The following TCF25 variants were observed in gnomAD, a reference collection of about 807,000 sequenced individuals.
TCF25 encodes the protein TCF25 ribosome quality control complex subunit.
TCF25 carries 41 observed loss-of-function variants against 83.1 expected under a neutral mutation model. That is an observed-to-expected ratio of 0.49 (90% confidence interval 0.38 to 0.64). The LOEUF is 0.64. Among genes scored for constraint, TCF25 ranks in the 30% least tolerant of loss-of-function variants. TCF25 has a pLI of 0.00. For missense variants in TCF25, 979 were observed against 914.5 expected (o/e 1.07, Z -0.91); for synonymous variants, 458 against 365.0 (o/e 1.25, Z -2.90).
chr16:89,905,644 A>C (rs1239128226), intron 14 of TCF25, among the ~76,000 whole-genome samples: 1 of 152,182 alleles, frequency 6.6e-6, no homozygotes, highest in African/African-American at 2.4e-5. Flanking sequence ...TTGCATCTCC[A>C]CAGTGAAGTC....
At chr16:89,900,604 G>A in intron 11 of TCF25, 31 bp from the exon 12 acceptor site, 1 of 1,552,606 alleles carries the variant, frequency 6.4e-7, no homozygotes, top group Non-Finnish European at 8.8e-7. Context: ...ATGACTTAAG[G>A]CTCCACGCTC....
chr16:89,877,098 T>C (rs2042253454), intron 1 of TCF25, among the ~76,000 whole-genome samples: 3 of 145,186 alleles, frequency 2.1e-5, no homozygotes, highest in African/African-American at 8.5e-5. Flanking sequence ...CGAGACTCTG[T>C]CTCAAAAAAA....
At chr16:89,890,297 C>G (rs1338618073) in intron 5 of TCF25, 3 of 152,288 alleles carry the variant, frequency 2.0e-5, no homozygotes, top group African/African-American at 7.2e-5. Context: ...GCTACAGTCC[C>G]CGGTGTCTGC....
At chr16:89,909,209 C>G (rs1419829358) in intron 16 of TCF25, 2 of 1,207,814 alleles carry the variant, frequency 1.7e-6, no homozygotes, top group Non-Finnish European at 2.1e-6. Context: ...CCCGTCTCAA[C>G]TAAAAATACA....
chr16:89,885,522 A>G (rs554325565), intron 3 of TCF25, among the ~76,000 whole-genome samples: 1 of 152,318 alleles, frequency 6.6e-6, no homozygotes, highest in African/African-American at 2.4e-5. Context: ...GTCCTGAGAC[A>G]AGGGTGTAGC....
At chr16:89,874,208 G>A (rs1010776937) in intron 1 of TCF25, among the ~76,000 whole-genome samples, 5 of 152,136 alleles carry the variant, frequency 3.3e-5, no homozygotes, top group African/African-American at 1.2e-4. Flanking sequence ...TGATGCCAAG[G>A]GCGTGGCCAA....
intron 16 of TCF25, chr16:89,909,075 CTG>C (rs1308126887): frequency 7.8e-6 from 10 of 1,289,386 alleles, no homozygotes; most frequent in African/African-American, 1.5e-5. Flanking sequence ...GTGTCGGCCT[CTG>C]TGGCAGGTGC....
intron 5 of TCF25, among the ~76,000 whole-genome samples, chr16:89,891,352 A>G (rs956943445): frequency 1.3e-5 from 2 of 152,104 alleles, no homozygotes; most frequent in African/African-American, 4.8e-5. Context: ...GGCCACCTTC[A>G]TGTCAGGAGG....
chr16:89,885,964 C>T lies in TCF25; in HGVS notation c.546C>T (p.His182=), dbSNP rs781482169. The change falls in exon 4 of 18, where the codon CAC becomes CAT. Residue 182 remains histidine (H), a splice_region_variant and synonymous_variant. Coordinates refer to ENST00000263346, the MANE Select transcript of TCF25 (RefSeq NM_014972.3). Reference sequence around the variant, plus strand: ...GGAAGCACGTTCTCTACGTGGAGCACAGGTGTGGCCCCCGCCCTTCTCTGC... The same window carrying T: ...GGAAGCACGTTCTCTACGTGGAGCATAGGTGTGGCCCCCGCCCTTCTCTGC... ...SSRKHVLYVE[H]RHLNPDTELK... is the part of the protein sequence containing the mutation. 2 of 1,613,602 alleles carry T rather than the reference C, an allele frequency of 1.2e-6. No individual in the cohort carries two copies. Among genetic ancestry groups the T allele is most frequent in the Non-Finnish European group, 1.7e-6 (2 of 1,179,678 alleles).
At chr16:89,898,026 C>G (rs1253901136) in intron 9 of TCF25, among the ~76,000 whole-genome samples, 2 of 151,982 alleles carry the variant, frequency 1.3e-5, no homozygotes, top group Non-Finnish European at 2.9e-5. Flanking sequence ...ATGGCATGAA[C>G]CCAGGAGGCG....
At position 89,900,731 on chromosome 16, in the gene TCF25, C is replaced by T; in HGVS notation, c.1318C>T (p.Gln440Ter). Reference protein sequence around the residue: ...SQQTDLPECEQSSARQKASLL... With the variant: ...SQQTDLPECE ...GCAGACAGACCTCCCTGAGTGTGAG[C>T]AGAGCTCTGCCAGGCAGAAGGCCTC... The change falls in exon 12 of 18, where the codon CAG (glutamine) becomes TAG (stop). Residue 440 changes from glutamine to a stop codon, truncating the protein, a stop_gained. Coordinates refer to ENST00000263346, the MANE Select transcript of TCF25 (RefSeq NM_014972.3). LOFTEE classifies it high-confidence loss of function. 1 of 1,601,834 alleles carries T rather than the reference C, an allele frequency of 6.2e-7. No homozygotes were observed. The highest frequency in any genetic ancestry group is 8.5e-7 in the Non-Finnish European group (1 of 1,169,682).
intron 14 of TCF25, among the ~76,000 whole-genome samples, chr16:89,905,662 C>T (rs952711926): frequency 5.9e-5 from 9 of 152,202 alleles, no homozygotes; most frequent in East Asian, 1.9e-4. Context: ...GTCTGTGTGC[C>T]GCGGACATGA....
intron 3 of TCF25, among the ~76,000 whole-genome samples, chr16:89,885,016 C>T (rs1597291506): frequency 7.9e-6 from 1 of 126,568 alleles, no homozygotes. Context: ...TCTCCCTCTG[C>T]CTGACGCCCT....
At chr16:89,906,134 G>A (rs933964522) in intron 14 of TCF25, 60 bp from the exon 15 acceptor site, 10 of 1,470,300 alleles carry the variant, frequency 6.8e-6, no homozygotes, top group Non-Finnish European at 9.3e-6. Context: ...AGGCTCCATG[G>A]CGGTTACCAT....
rs1161467055 is a variant in TCF25 at position 89,873,647 on chromosome 16, A to G, written c.-21A>G. 9.1e-6 allele frequency: 14 copies of G among 1,541,462 alleles called. No individual in the cohort carries two copies. The South Asian group carries it at 9.6e-5, about 11-fold the overall frequency. ...TGCGCTTCCTTCTCCCTCTCTCCAGACGTCGTGGTCGTTCGGTCCTATGTC... is the reference window on the plus strand; with the variant it reads ...TGCGCTTCCTTCTCCCTCTCTCCAGGCGTCGTGGTCGTTCGGTCCTATGTC... On this transcript the variant is annotated 5_prime_UTR_variant, in exon 1 of 18. Coordinates refer to ENST00000263346, the MANE Select transcript of TCF25 (RefSeq NM_014972.3).
At chr16:89,896,370 C>A (rs2043848115) in intron 9 of TCF25, among the ~76,000 whole-genome samples, 1 of 151,900 alleles carries the variant, frequency 6.6e-6, no homozygotes, top group Non-Finnish European at 1.5e-5. Context: ...ATAGTGAGAC[C>A]CCCATCTCTT....
chr16:89,895,093 C>T lies in TCF25; in HGVS notation c.884C>T (p.Ala295Val). The change falls in exon 8 of 18, where the codon GCC becomes GTC. Residue 295 changes from alanine to valine, a missense_variant. Ala to Val is a moderately conservative substitution (Grantham distance 64). Coordinates refer to ENST00000263346, the MANE Select transcript of TCF25 (RefSeq NM_014972.3). ...HVDSLLQLSD[A>V]CRFQEDQEMA... ...GACTCACTCCTGCAGCTCAGCGATG[C>T]CTGCCGCTTTCAAGAGGATCAGGAG... The T allele has an allele frequency of 6.2e-7, 1 of 1,613,284 alleles. No individual in the cohort carries two copies.
At chr16:89,893,576 C>A in intron 6 of TCF25, 152 bp from the exon 7 acceptor site, 1 of 1,229,956 alleles carries the variant, frequency 8.1e-7, no homozygotes, top group South Asian at 1.4e-5. Context: ...GGAAGGTGTC[C>A]GGAGCTGGTG....
intron 1 of TCF25, chr16:89,878,457 TTAGGAAAAATGGACA>T: frequency 2.4e-6 from 3 of 1,233,688 alleles, no homozygotes; most frequent in Middle Eastern, 2.3e-4. Flanking sequence ...TTTTTTTTTT[TTAGGAAAAATGGACA>T]TTTTCCTCTC....
Sources: gnomAD v4.1 joint callset for allele counts (sites outside exome capture counted in the v4.1 genomes callset) on GRCh38, gnomAD v4.1.1 for gene constraint, MANE v1.5 for transcripts, NCBI Gene and HGNC (gene_info 2026-07-23, HGNC 2026-07-21) for gene names.